SRPK2: variants seen among roughly 807,000 people sequenced by gnomAD.
SRPK2 encodes SFRS protein kinase 2.
SRPK2 carries 21 observed loss-of-function variants against 90.8 expected under a neutral mutation model. That is an observed-to-expected ratio of 0.23 (90% confidence interval 0.16 to 0.33). The LOEUF (loss-of-function observed/expected upper bound fraction) is 0.33. Among genes scored for constraint, SRPK2 ranks in the 10% least tolerant of loss-of-function variants. SRPK2 has a pLI of 1.00. For synonymous variants in SRPK2, 288 were observed against 311.1 expected, an observed-to-expected ratio of 0.93 and a Z score of 0.78; for missense variants, 620 against 869.0, an observed-to-expected ratio of 0.71 and a Z score of 3.60.
chr7:105,170,786 A>AAGGAAGGAAGGAAGGAAGGAAGGAC (rs1554435294), intron 3 of SRPK2, among the ~76,000 whole-genome samples: 3 of 67,586 alleles, frequency 4.4e-5, no homozygotes, highest in African/African-American at 6.9e-5. Context: ...GAAGGACGGG[A>AAGGAAGGAAGGAAGGAAGGAAGGAC]GGGAGGGAGG....
chr7:105,273,002 T>C (rs953818563), intron 2 of SRPK2, among the ~76,000 whole-genome samples: 1 of 151,744 alleles, frequency 6.6e-6, no homozygotes, highest in Non-Finnish European at 1.5e-5. Context: ...ATCACGAAGG[T>C]CAGGAGATAG....
intron 2 of SRPK2, among the ~76,000 whole-genome samples, chr7:105,266,153 C>A (rs1048211555): frequency 6.6e-6 from 1 of 152,042 alleles, no homozygotes; most frequent in African/African-American, 2.4e-5. Flanking sequence ...ATTTAGCCCC[C>A]CAAACAACCT....
chr7:105,174,791 A>G (rs1013803364), intron 3 of SRPK2, among the ~76,000 whole-genome samples: 3 of 152,184 alleles, frequency 2.0e-5, no homozygotes, highest in African/African-American at 4.8e-5. Flanking sequence ...TTTCAAGGGC[A>G]CACAAAACAT....
At chr7:105,247,521 C>T (rs945035782) in intron 2 of SRPK2, among the ~76,000 whole-genome samples, 7 of 119,074 alleles carry the variant, frequency 5.9e-5, no homozygotes, top group South Asian at 3.0e-4. Context: ...AAAAAACACA[C>T]ACACACATAA....
At chr7:105,349,150 GAGAA>G (rs1170273708) in intron 2 of SRPK2, among the ~76,000 whole-genome samples, 1 of 101,130 alleles carries the variant, frequency 9.9e-6, no homozygotes, top group African/African-American at 3.8e-5. Flanking sequence ...TGTAGAAAGA[GAGAA>G]AGAAAGAGGG....
At chr7:105,140,005 C>G (rs1803472560) in intron 11 of SRPK2, among the ~76,000 whole-genome samples, 1 of 151,884 alleles carries the variant, frequency 6.6e-6, no homozygotes, top group African/African-American at 2.4e-5. Context: ...TTGCATATAA[C>G]CTACATATAT....
At chr7:105,373,389 ATT>A (rs397970137) in intron 2 of SRPK2, among the ~76,000 whole-genome samples, 10 of 142,622 alleles carry the variant, frequency 7.0e-5, no homozygotes, top group Non-Finnish European at 1.5e-4. Context: ...AAAAAAAAAA[ATT>A]TTTTTTCTTT....
intron 15 of SRPK2, among the ~76,000 whole-genome samples, chr7:105,124,640 T>TTAAAAAAAAAAAAA (rs71519197): frequency 1.9e-5 from 1 of 52,934 alleles, no homozygotes; most frequent in African/African-American, 6.2e-5. Flanking sequence ...AAACTCCATC[T>TTAAAAAAAAAAAAA]AAAAAAAAAA....
chr7:105,357,072 G>A (rs1235582234), intron 2 of SRPK2, among the ~76,000 whole-genome samples: 1 of 146,480 alleles, frequency 6.8e-6, no homozygotes, highest in African/African-American at 2.5e-5. Flanking sequence ...GTCTCGCTCT[G>A]TCGCCCAGGC....
chr7:105,167,439 G>C lies in SRPK2; in HGVS notation c.452C>G (p.Pro151Arg). Residue 151 changes from proline (P) to arginine (R), a missense_variant, in exon 6 of 16, where the codon CCA becomes CGA. Pro to Arg is a moderately radical substitution (Grantham distance 103). Transcript: ENST00000393651. Reference protein sequence around the residue: ...KCVRESDPSDPNKDMVVQLID... With the variant: ...KCVRESDPSDRNKDMVVQLID... ...GAGCTGGACCACCATGTCTTTGTTT[G>C]GGTCACTGGGATCACTTTCTCGAAC... 6.2e-7 allele frequency: 1 copy of C among 1,613,552 alleles called. No homozygotes were observed. Among genetic ancestry groups the C allele is most frequent in the Non-Finnish European group, 8.5e-7 (1 of 1,179,668 alleles).
chr7:105,330,021 C>T (rs1814099116), intron 2 of SRPK2, among the ~76,000 whole-genome samples: 1 of 151,882 alleles, frequency 6.6e-6, no homozygotes, highest in Admixed American at 6.6e-5. Flanking sequence ...GGCAACAGAG[C>T]GAGACTCTGT....
At chr7:105,338,511 C>G (rs1815384481) in intron 2 of SRPK2, among the ~76,000 whole-genome samples, 1 of 152,150 alleles carries the variant, frequency 6.6e-6, no homozygotes, top group South Asian at 2.1e-4. Context: ...ATCCACTCAG[C>G]CTCCTAAAGT....
chr7:105,396,646 A>G (rs1448695000), intron 1 of SRPK2, among the ~76,000 whole-genome samples: 2 of 142,914 alleles, frequency 1.4e-5, no homozygotes, highest in Non-Finnish European at 3.0e-5. Context: ...AAAGAAAGGG[A>G]GAGAGAGAGA....
intron 2 of SRPK2, among the ~76,000 whole-genome samples, chr7:105,343,751 T>C (rs1354483110): frequency 6.6e-6 from 1 of 152,146 alleles, no homozygotes; most frequent in African/African-American, 2.4e-5. Context: ...GTTTACAATG[T>C]CATATCTTTT....
chr7:105,221,032 A>G (rs1336611375), intron 2 of SRPK2, among the ~76,000 whole-genome samples: 2 of 152,214 alleles, frequency 1.3e-5, no homozygotes, highest in Non-Finnish European at 2.9e-5. Flanking sequence ...ATCAGAAAAT[A>G]AAGTTCATGT....
chr7:105,153,464 T>C (rs1044712525), intron 7 of SRPK2, among the ~76,000 whole-genome samples: 1 of 152,136 alleles, frequency 6.6e-6, no homozygotes, highest in East Asian at 1.9e-4. Flanking sequence ...TCTGCTCCTC[T>C]CCACCACAAC....
chr7:105,348,795 TAAAG>T (rs956616071), intron 2 of SRPK2, among the ~76,000 whole-genome samples: 1 of 151,782 alleles, frequency 6.6e-6, no homozygotes, highest in Admixed American at 6.6e-5. Flanking sequence ...AAAATTTATC[TAAAG>T]AAAGTTATCA....
intron 2 of SRPK2, among the ~76,000 whole-genome samples, chr7:105,378,761 CAAAA>C: frequency 1.1e-5 from 1 of 92,270 alleles, no homozygotes. Context: ...GACTCCGTCT[CAAAA>C]AAAAAAAAAA....
chr7:105,193,341 G>GT (rs1563064236), intron 3 of SRPK2, among the ~76,000 whole-genome samples: 1 of 152,134 alleles, frequency 6.6e-6, no homozygotes, highest in Non-Finnish European at 1.5e-5. Context: ...TCAGTTGGCT[G>GT]TAAGTATTTG....
Sources: gnomAD v4.1 joint callset for allele counts (sites outside exome capture counted in the v4.1 genomes callset) on GRCh38, gnomAD v4.1.1 for gene constraint, MANE v1.5 for transcripts, NCBI Gene and HGNC (gene_info 2026-07-23, HGNC 2026-07-21) for gene names.